The following AP4E1 variants were observed in gnomAD, a reference collection of about 807,000 sequenced individuals.
The protein encoded by AP4E1 is adaptor related protein complex 4 subunit epsilon 1, also known as AP-4 complex subunit epsilon-1.
AP4E1 carries 56 observed loss-of-function variants against 128.2 expected under a neutral mutation model. That is an observed-to-expected ratio of 0.44 (90% CI 0.35 to 0.55). The LOEUF (loss-of-function observed/expected upper bound fraction) is 0.55, where lower values mean the gene tolerates loss of function less well. Ranked by LOEUF, AP4E1 falls within the 20% of genes least tolerant of loss-of-function variation. The pLI is 0.00. For synonymous variants in AP4E1, 484 were observed against 473.1 expected (o/e 1.02, Z -0.30); for missense variants, 1,324 against 1,307.7 (o/e 1.01, Z -0.19).
Position 50,966,784 on chromosome 15 carries a change from G to A in AP4E1, c.1852-1479G>A, listed in dbSNP as rs192974100. On this transcript the variant is annotated intron_variant, in intron 14 of 20. Coordinates refer to ENST00000261842, the MANE Select transcript of AP4E1 (RefSeq NM_007347.5). ...ACTCCTGACCTCAGGTGATCCACCCGCCTCGGCCTCCCAGAGTGCTGGGAT... is the reference window on the plus strand; with the variant it reads ...ACTCCTGACCTCAGGTGATCCACCCACCTCGGCCTCCCAGAGTGCTGGGAT... Among the ~76,000 whole-genome samples the A allele has an allele frequency of 3.9e-3, 593 of 152,110 alleles. 2 individuals carry two copies. Among genetic ancestry groups the A allele is most frequent in the Non-Finnish European group, 6.3e-3 (429 of 67,966 alleles).
intron 19 of AP4E1, 91 bp from the exon 20 acceptor site, chr15:51,000,935 T>G: frequency 9.5e-7 from 1 of 1,052,624 alleles, no homozygotes; most frequent in Non-Finnish European, 1.4e-6. Context: ...TTACAATGAT[T>G]ATGTTTTATT....
chr15:50,909,055 G>C, intron 1 of AP4E1, 127 bp downstream of exon 1: 3 of 1,423,240 alleles, frequency 2.1e-6, no homozygotes, highest in South Asian at 1.4e-5. Context: ...AGGGGCTGCT[G>C]TGTCGGTTCG....
In AP4E1 at chr15:50,989,261, G is replaced by A. The variant is rs78925661; in HGVS notation, c.2091-4109G>A. Among the ~76,000 whole-genome samples, 975 of 152,302 alleles carry A rather than the reference G, an allele frequency of 6.4e-3. 7 individuals are homozygous for A. The highest frequency in any genetic ancestry group is 9.9e-3 in the Non-Finnish European group (672 of 68,018). ...TAATGGCCGCATTGTTGGAATAAAT[G>A]TGATAAAATCTCAAAAGTGACAACT... On this transcript the variant is annotated intron_variant, in intron 16 of 20. Transcript: ENST00000261842.
chr15:50,999,391 C>T (rs1045819796), intron 19 of AP4E1, 129 bp downstream of exon 19: 10 of 693,228 alleles, frequency 1.4e-5, no homozygotes, highest in East Asian at 1.1e-4. Context: ...ACAGTTCCTA[C>T]GTTAGAGGAA....
chr15:50,984,292 G>T, intron 16 of AP4E1, 147 bp downstream of exon 16: 2 of 1,004,294 alleles, frequency 2.0e-6, no homozygotes, highest in South Asian at 1.5e-5. Context: ...TGTTTCAGTG[G>T]TTTTCACATA....
At position 50,953,062 on chromosome 15, in the gene AP4E1, G is replaced by C. The variant is rs941661593; in HGVS notation, c.1548+2893G>C. The stretch of plus-strand genomic sequence containing the variant: ...TGAGACCTAGTCTCTACCAAAGGGA[G>C]AAAAAAAAGATGGTGACCTCCAGAT... On this transcript the variant is annotated intron_variant, in intron 13 of 20. Transcript: ENST00000261842. Among the ~76,000 whole-genome samples, 13 of 151,758 alleles carry C rather than the reference G, an allele frequency of 8.6e-5. No homozygotes were observed. In the East Asian group the frequency reaches 2.5e-3, roughly 29 times the overall value.
At chr15:50,967,631 G>A (rs1374174831) in intron 14 of AP4E1, among the ~76,000 whole-genome samples, 1 of 152,228 alleles carries the variant, frequency 6.6e-6, no homozygotes, top group East Asian at 1.9e-4. Flanking sequence ...CAGGGTAGGA[G>A]CTGTGTCTTC....
At chr15:50,940,968 G>T (rs1051035850) in intron 8 of AP4E1, among the ~76,000 whole-genome samples, 2 of 152,068 alleles carry the variant, frequency 1.3e-5, no homozygotes, top group African/African-American at 4.8e-5. Flanking sequence ...AACTACATAC[G>T]CAATTTTGGC....
intron 19 of AP4E1, among the ~76,000 whole-genome samples, chr15:50,999,558 A>G (rs1170446060): frequency 6.6e-6 from 1 of 152,204 alleles, no homozygotes; most frequent in Non-Finnish European, 1.5e-5. Flanking sequence ...CTTGTGAGAA[A>G]AAGTATTATT....
At chr15:50,974,757 T>C (rs1480477557) in intron 15 of AP4E1, among the ~76,000 whole-genome samples, 1 of 152,218 alleles carries the variant, frequency 6.6e-6, no homozygotes, top group Non-Finnish European at 1.5e-5. Flanking sequence ...CAGTTTGTAT[T>C]TTCTTGCTAA....
intron 18 of AP4E1, among the ~76,000 whole-genome samples, chr15:50,998,598 C>G (rs1476650449): frequency 1.3e-5 from 2 of 151,972 alleles, no homozygotes; most frequent in African/African-American, 4.8e-5. Context: ...CCATTGCACT[C>G]TAGCCTGGGT....
At chr15:50,981,456 T>A (rs1281110943) in intron 15 of AP4E1, among the ~76,000 whole-genome samples, 1 of 152,228 alleles carries the variant, frequency 6.6e-6, no homozygotes, top group Non-Finnish European at 1.5e-5. Flanking sequence ...AGCACATAAC[T>A]TGTTAATTTC....
chr15:50,982,611 T>C (rs927739773), intron 15 of AP4E1, among the ~76,000 whole-genome samples: 1 of 152,184 alleles, frequency 6.6e-6, no homozygotes, highest in African/African-American at 2.4e-5. Context: ...ACTTTACAGA[T>C]GAAGAAATGA....
chr15:50,996,128 ACAG>A lies in AP4E1; in HGVS notation c.2347-1197_2347-1195del, dbSNP rs2064869514. 2.0e-5 allele frequency among the ~76,000 whole-genome samples: 3 copies of A among 149,418 alleles called. No homozygotes were observed. The South Asian group carries it at 6.4e-4, about 32-fold the overall frequency. On this transcript the variant is annotated intron_variant, in intron 17 of 20. Coordinates refer to ENST00000261842, the MANE Select transcript of AP4E1 (RefSeq NM_007347.5). The stretch of plus-strand genomic sequence containing the variant: ...CTCAGTCTCCCGAGTAGCTGGGATT[ACAG>A]GCATGCGCTACCACGCCTGGCTAAT...
chr15:50,952,898 C>T (rs1290100101), intron 13 of AP4E1, among the ~76,000 whole-genome samples: 2 of 151,890 alleles, frequency 1.3e-5, no homozygotes, highest in Admixed American at 6.6e-5. Flanking sequence ...TCAGTTTGTC[C>T]ACTTATTGGT....
rs1188488879 is a variant in AP4E1, at chr15:50,993,540, T to C, written c.2261T>C (p.Leu754Pro). ...AITKKDQSQV[L>P]TQSKEEKEKQ... ...ACTAAAAAGGATCAATCTCAAGTTC[T>C]TACCCAATCTAAAGAGGAGAAAGAA... is the stretch of plus-strand genomic sequence containing the variant. Residue 754 changes from leucine to proline, a missense_variant, in exon 17 of 21, where the codon CTT becomes CCT. Coordinates refer to ENST00000261842, the MANE Select transcript of AP4E1 (RefSeq NM_007347.5). 6 of 1,614,024 alleles carry C rather than the reference T, an allele frequency of 3.7e-6. No individual in the cohort carries two copies. The South Asian group carries it at 4.4e-5, about 12-fold the overall frequency.
At chr15:50,924,411 A>G (rs2063744807) in intron 4 of AP4E1, among the ~76,000 whole-genome samples, 1 of 152,186 alleles carries the variant, frequency 6.6e-6, no homozygotes. Context: ...TAAAAAAAGA[A>G]TAGAATATAA....
Position 50,974,005 on chromosome 15 carries a change from G to A in AP4E1, c.1966+5628G>A, listed in dbSNP as rs985157894. On this transcript the variant is annotated intron_variant, in intron 15 of 20. Transcript: ENST00000261842. ...TTTAGAGACAGAATCTTGCTCTGTC[G>A]CCTAGGCTGGAGTGCAGTGGTACGA... Among the ~76,000 whole-genome samples, 9 of 152,164 alleles carry A rather than the reference G, an allele frequency of 5.9e-5. 1 individual carries two copies. The South Asian group carries it at 1.0e-3, about 18-fold the overall frequency.
Position 50,941,370 on chromosome 15 carries a change from A to G in AP4E1, c.944-72A>G, listed in dbSNP as rs919957678. 3.3e-6 allele frequency: 5 copies of G among 1,532,342 alleles called. No individual in the cohort carries two copies. The African/African-American group carries it at 6.8e-5, about 21-fold the overall frequency. 94.9% of individuals were successfully genotyped at this position (1,532,342 alleles called of 1,614,324 possible). ...TGGACTTTCCAATTAGTTTTATTAC[A>G]AGTTCTACACAAATACATTGTTTTG... On this transcript the variant is annotated intron_variant, in intron 8 of 20. Coordinates refer to ENST00000261842, the MANE Select transcript of AP4E1 (RefSeq NM_007347.5).
Sources: allele counts gnomAD v4.1 joint callset (sites outside exome capture counted in the v4.1 genomes callset), GRCh38; gene constraint gnomAD v4.1.1; transcripts MANE v1.5; gene names NCBI Gene and HGNC (gene_info 2026-07-23, HGNC 2026-07-21).